The following DLGAP1 variants were observed in gnomAD, a reference collection of about 807,000 sequenced individuals.
DLGAP1 encodes the protein DLG associated protein 1.
DLGAP1 carries 11 observed loss-of-function variants against 90.8 expected under a neutral mutation model. The observed-to-expected ratio is 0.12, with a 90% CI of 0.08 to 0.20. The LOEUF (loss-of-function observed/expected upper bound fraction) is 0.20. DLGAP1 is among the 10% of genes least tolerant of loss of function. The pLI is 1.00. For missense variants in DLGAP1, 1,050 were observed against 1,333.8 expected (o/e 0.79, Z 3.31); for synonymous variants, 558 against 540.7 (o/e 1.03, Z -0.44).
intron 1 of DLGAP1, among the ~76,000 whole-genome samples, chr18:4,248,280 C>G (rs771208521): frequency 6.6e-6 from 1 of 152,140 alleles, no homozygotes; most frequent in Non-Finnish European, 1.5e-5. Context: ...ACCTTCACGG[C>G]GAAATGAAGA....
chr18:4,284,237 A>G (rs1032009238), intron 1 of DLGAP1, among the ~76,000 whole-genome samples: 6 of 151,624 alleles, frequency 4.0e-5, no homozygotes, highest in Non-Finnish European at 8.8e-5. Context: ...TGGCCCTCCA[A>G]GCAGGGAGAA....
At chr18:3,735,056 G>A (rs2062583927) in intron 6 of DLGAP1, among the ~76,000 whole-genome samples, 1 of 151,974 alleles carries the variant, frequency 6.6e-6, no homozygotes, top group African/African-American at 2.4e-5. Flanking sequence ...AATTTACTTA[G>A]ATGTAGTTTT....
intron 7 of DLGAP1, among the ~76,000 whole-genome samples, chr18:3,583,329 TC>T (rs1258738126): frequency 6.6e-6 from 1 of 151,670 alleles, no homozygotes; most frequent in East Asian, 1.9e-4. Flanking sequence ...TGTCTTGTCA[TC>T]CTTCCTTTTC....
chr18:4,320,385 A>AT (rs951727354), intron 1 of DLGAP1, among the ~76,000 whole-genome samples: 54 of 152,270 alleles, frequency 3.5e-4, no homozygotes, highest in African/African-American at 1.3e-3. Flanking sequence ...AAATATATTT[A>AT]TTTTTTATTA....
chr18:4,387,930 TACACA>T (rs531212847), intron 1 of DLGAP1, among the ~76,000 whole-genome samples: 10,250 of 123,196 alleles, frequency 0.083, 476 homozygotes, highest in East Asian at 0.13. Flanking sequence ...CCATCACACA[TACACA>T]CACACACACA....
intron 1 of DLGAP1, among the ~76,000 whole-genome samples, chr18:4,221,908 A>G (rs1237354726): frequency 6.6e-6 from 1 of 152,088 alleles, no homozygotes; most frequent in African/African-American, 2.4e-5. Flanking sequence ...CAAATAGTTG[A>G]TCACTACCTT....
intron 1 of DLGAP1, among the ~76,000 whole-genome samples, chr18:4,322,893 G>A (rs887014390): frequency 3.4e-4 from 50 of 146,994 alleles, no homozygotes; most frequent in Admixed American, 7.5e-4. Flanking sequence ...CCCGGGAGGC[G>A]GAGATTGCAG....
chr18:3,878,380 CA>C (rs969986229), intron 4 of DLGAP1: 1 of 152,138 alleles, frequency 6.6e-6, no homozygotes, highest in Non-Finnish European at 1.5e-5. Flanking sequence ...GAGACAGTGG[CA>C]GGGGAAGAGC....
chr18:3,564,179 T>C (rs370722559), intron 9 of DLGAP1, among the ~76,000 whole-genome samples: 1 of 152,190 alleles, frequency 6.6e-6, no homozygotes, highest in Non-Finnish European at 1.5e-5. Flanking sequence ...CTGTGGTAAA[T>C]TGGCATTTAG....
chr18:4,171,572 A>G (rs2077026722), intron 1 of DLGAP1, among the ~76,000 whole-genome samples: 1 of 151,896 alleles, frequency 6.6e-6, no homozygotes, highest in Non-Finnish European at 1.5e-5. Context: ...CTCAAAAAAA[A>G]AAAAAGAAAA....
chr18:4,046,412 TG>T (rs1359396409), intron 2 of DLGAP1, among the ~76,000 whole-genome samples: 6 of 152,338 alleles, frequency 3.9e-5, no homozygotes, highest in African/African-American at 1.4e-4. Context: ...CTAAGAAAAG[TG>T]GGTGTCTTTC....
intron 3 of DLGAP1, among the ~76,000 whole-genome samples, chr18:3,916,619 G>A (rs74976428): frequency 0.025 from 3,870 of 152,214 alleles, 68 homozygotes; most frequent in African/African-American, 0.033. Flanking sequence ...AGCATTTACT[G>A]AACTGCTACC....
At chr18:3,639,878 C>A (rs1174286548) in intron 7 of DLGAP1, among the ~76,000 whole-genome samples, 1 of 142,738 alleles carries the variant, frequency 7.0e-6, no homozygotes, top group Admixed American at 6.9e-5. Flanking sequence ...CCTCAGCCTT[C>A]GGAGCAGCTG....
intron 7 of DLGAP1, among the ~76,000 whole-genome samples, chr18:3,595,712 A>G (rs2056538444): frequency 1.3e-5 from 2 of 152,202 alleles, no homozygotes; most frequent in African/African-American, 4.8e-5. Context: ...TGCTTCCAGT[A>G]GGGAATGTGA....
intron 7 of DLGAP1, among the ~76,000 whole-genome samples, chr18:3,623,827 G>A (rs12604364): frequency 2.0e-5 from 3 of 148,876 alleles, no homozygotes; most frequent in Middle Eastern, 3.6e-3. Flanking sequence ...TGCTTTTCCC[G>A]TTGCTTCCCT....
chr18:3,520,643 G>A (rs2051125930), intron 10 of DLGAP1, among the ~76,000 whole-genome samples: 1 of 152,194 alleles, frequency 6.6e-6, no homozygotes, highest in Non-Finnish European at 1.5e-5. Flanking sequence ...AAGCCAAGGA[G>A]AGCGACCTGA....
chr18:3,714,351 C>T (rs1419949856), intron 7 of DLGAP1, among the ~76,000 whole-genome samples: 2 of 151,632 alleles, frequency 1.3e-5, no homozygotes, highest in Non-Finnish European at 2.9e-5. Context: ...TTCTCAAACA[C>T]AGCCATAGGT....
At chr18:3,800,034 T>C (rs913728200) in intron 5 of DLGAP1, among the ~76,000 whole-genome samples, 1 of 152,222 alleles carries the variant, frequency 6.6e-6, no homozygotes, top group Non-Finnish European at 1.5e-5. Flanking sequence ...TAGATTGTTC[T>C]TCCCATGGTA....
At chr18:4,123,806 G>A (rs2076191076) in intron 2 of DLGAP1, among the ~76,000 whole-genome samples, 1 of 152,184 alleles carries the variant, frequency 6.6e-6, no homozygotes, top group South Asian at 2.1e-4. Flanking sequence ...TATAAGGCGG[G>A]TTTCTGGTAA....
Sources: gnomAD v4.1 joint callset for allele counts (sites outside exome capture counted in the v4.1 genomes callset) on GRCh38, gnomAD v4.1.1 for gene constraint, MANE v1.5 for transcripts, NCBI Gene and HGNC (gene_info 2026-07-23, HGNC 2026-07-21) for gene names.